The following AGBL1 variants were observed in gnomAD, a reference collection of about 807,000 sequenced individuals.
AGBL1 encodes cytosolic carboxypeptidase 4.
Under a neutral mutation model 118.9 loss-of-function variants are expected in AGBL1, and 130 were observed. The observed-to-expected ratio is 1.09, with a 90% CI of 0.95 to 1.26. The LOEUF (loss-of-function observed/expected upper bound fraction) is 1.26, where lower values mean the gene tolerates loss of function less well. Among genes scored for constraint, AGBL1 ranks in the 50% most tolerant of loss-of-function variants. The pLI is 0.00. For synonymous variants in AGBL1, 555 were observed against 478.9 expected (o/e 1.16, Z -2.08); for missense variants, 1,584 against 1,298.1 (o/e 1.22, Z -3.38).
chr15:86,767,224 T>C (rs1387236935), intron 22 of AGBL1, among the ~76,000 whole-genome samples: 3 of 151,926 alleles, frequency 2.0e-5, no homozygotes, highest in Non-Finnish European at 4.4e-5. Context: ...TGGAACTAGA[T>C]AGCCTAAACT....
At chr15:86,612,691 T>C (rs1205573111) in intron 21 of AGBL1, among the ~76,000 whole-genome samples, 1 of 152,220 alleles carries the variant, frequency 6.6e-6, no homozygotes. Context: ...AAGCTGTCTC[T>C]TGTGGGGAAA....
At chr15:86,283,710 T>A (rs906822500) in intron 16 of AGBL1, among the ~76,000 whole-genome samples, 4 of 152,124 alleles carry the variant, frequency 2.6e-5, no homozygotes, top group African/African-American at 9.7e-5. Flanking sequence ...CAGAGATCCA[T>A]CCTTGTATAG....
At chr15:86,298,356 T>TAA in intron 17 of AGBL1, among the ~76,000 whole-genome samples, 1 of 121,354 alleles carries the variant, frequency 8.2e-6, no homozygotes, top group Non-Finnish European at 1.7e-5. Flanking sequence ...ATGAATATAT[T>TAA]CTTATATATA....
Position 86,649,149 on chromosome 15 carries a change from G to A in AGBL1, c.2995-25124G>A, listed in dbSNP as rs143468755. 8.8e-3 allele frequency among the ~76,000 whole-genome samples: 1,343 copies of A among 152,248 alleles called. 75 individuals are homozygous for A. Among genetic ancestry groups the A allele is most frequent in the Admixed American group, 0.082 (1,254 of 15,276 alleles). ...TGAGGATGAGGAAATAGGATCTGAT[G>A]CATACCTGAAAGAATTGACCTTAAA... On this transcript the variant is annotated intron_variant, in intron 21 of 22. Coordinates refer to ENST00000614907, the MANE Select transcript of AGBL1 (RefSeq NM_001386094.1).
At chr15:86,927,916 A>G (rs1291754802) in intron 23 of AGBL1, among the ~76,000 whole-genome samples, 1 of 140,752 alleles carries the variant, frequency 7.1e-6, no homozygotes, top group Non-Finnish European at 1.5e-5. Context: ...AGGACAGCAA[A>G]TTCATAGTTT....
At chr15:86,208,971 C>G (rs2078044286) in intron 5 of AGBL1, among the ~76,000 whole-genome samples, 1 of 152,192 alleles carries the variant, frequency 6.6e-6, no homozygotes, top group African/African-American at 2.4e-5. Context: ...AAATTTCCCT[C>G]TACAGACTGC....
At chr15:86,345,854 G>A (rs1343791542) in intron 17 of AGBL1, among the ~76,000 whole-genome samples, 1 of 152,150 alleles carries the variant, frequency 6.6e-6, no homozygotes, top group Non-Finnish European at 1.5e-5. Context: ...AGGGTCATTG[G>A]CATTTTAATA....
chr15:86,476,256 A>G (rs1190117693), intron 18 of AGBL1, among the ~76,000 whole-genome samples: 1 of 152,254 alleles, frequency 6.6e-6, no homozygotes, highest in Non-Finnish European at 1.5e-5. Flanking sequence ...TAAATGGGCT[A>G]AATGCTCCAA....
chr15:86,717,168 C>T (rs988993202), intron 22 of AGBL1, among the ~76,000 whole-genome samples: 1 of 152,066 alleles, frequency 6.6e-6, no homozygotes, highest in Non-Finnish European at 1.5e-5. Context: ...AAGCGAAGGG[C>T]AGGACAAGGA....
intron 5 of AGBL1, among the ~76,000 whole-genome samples, chr15:86,184,104 C>T (rs1567110859): frequency 6.6e-6 from 1 of 152,172 alleles, no homozygotes; most frequent in African/African-American, 2.4e-5. Context: ...GATGTGATTT[C>T]CAAGAAATGC....
intron 1 of AGBL1, chr15:86,107,472 G>T (rs931334119): frequency 6.6e-6 from 1 of 152,196 alleles, no homozygotes; most frequent in African/African-American, 2.4e-5. Context: ...GATGAAAGGA[G>T]ATGTAGTTTG....
At chr15:86,243,778 G>A (rs2078674637) in intron 6 of AGBL1, among the ~76,000 whole-genome samples, 1 of 152,122 alleles carries the variant, frequency 6.6e-6, no homozygotes, top group Admixed American at 6.5e-5. Context: ...GGAGGCCAAG[G>A]TGAGTGGATC....
chr15:86,654,839 G>C (rs370860920), intron 21 of AGBL1, among the ~76,000 whole-genome samples: 2 of 152,094 alleles, frequency 1.3e-5, no homozygotes, highest in South Asian at 2.1e-4. Context: ...GACTAAAGAT[G>C]CCAGTGAGCA....
intron 6 of AGBL1, among the ~76,000 whole-genome samples, chr15:86,246,027 A>G (rs1382337035): frequency 6.6e-6 from 1 of 152,148 alleles, no homozygotes; most frequent in Non-Finnish European, 1.5e-5. Context: ...CTGGAGCCAC[A>G]GGTGCAAGCC....
intron 23 of AGBL1, among the ~76,000 whole-genome samples, chr15:86,928,998 A>G (rs2080576748): frequency 6.6e-6 from 1 of 152,070 alleles, no homozygotes; most frequent in Admixed American, 6.6e-5. Context: ...TTTTTTAATC[A>G]TTCCATACTG....
At chr15:86,150,166 G>A (rs1312001277) in intron 3 of AGBL1, among the ~76,000 whole-genome samples, 3 of 152,166 alleles carry the variant, frequency 2.0e-5, no homozygotes, top group Admixed American at 1.3e-4. Context: ...ATGCTCACAA[G>A]AGATAGCAGG....
intron 18 of AGBL1, among the ~76,000 whole-genome samples, chr15:86,415,907 G>A (rs532649184): frequency 1.5e-3 from 224 of 152,224 alleles, no homozygotes; most frequent in African/African-American, 5.2e-3. Flanking sequence ...GAAAAACAAA[G>A]AGAATATATC....
intron 15 of AGBL1, among the ~76,000 whole-genome samples, chr15:86,272,964 C>G (rs1490961995): frequency 6.6e-6 from 1 of 152,060 alleles, no homozygotes; most frequent in Non-Finnish European, 1.5e-5. Flanking sequence ...AGGTGATAGT[C>G]TGTAACTGCA....
At chr15:86,156,467 C>T (rs181377048) in intron 4 of AGBL1, among the ~76,000 whole-genome samples, 371 of 152,226 alleles carry the variant, frequency 2.4e-3, no homozygotes, top group Non-Finnish European at 3.1e-3. Context: ...CTCTAAAGGC[C>T]CTATCTCCAG....
Sources: gnomAD v4.1 joint callset for allele counts (sites outside exome capture counted in the v4.1 genomes callset) on GRCh38, gnomAD v4.1.1 for gene constraint, MANE v1.5 for transcripts, NCBI Gene and HGNC (gene_info 2026-07-23, HGNC 2026-07-21) for gene names.